USP30: variants seen among roughly 807,000 people sequenced by gnomAD.
The protein encoded by USP30 is ubiquitin specific peptidase 30.
Under a neutral mutation model 68.2 loss-of-function variants are expected in USP30, and 41 were observed. That is an observed-to-expected ratio of 0.60 (90% CI 0.47 to 0.78). The LOEUF (loss-of-function observed/expected upper bound fraction) is 0.78, where lower values mean the gene tolerates loss of function less well. USP30 is among the 30% of genes least tolerant of loss of function. The pLI, the probability that USP30 is intolerant of heterozygous loss-of-function variation, is 0.00. For synonymous variants in USP30, 229 were observed against 253.7 expected, an observed-to-expected ratio of 0.90 and a Z score of 0.93; for missense variants, 522 against 649.4, an observed-to-expected ratio of 0.80 and a Z score of 2.13.
intron 7 of USP30, among the ~76,000 whole-genome samples, chr12:109,078,249 C>T (rs1277184391): frequency 6.6e-6 from 1 of 152,036 alleles, no homozygotes; most frequent in African/African-American, 2.4e-5. Flanking sequence ...CATGGTGAAA[C>T]CCCGTCTCTA....
At chr12:109,040,190 G>A (rs1344822908) in intron 3 of USP30, among the ~76,000 whole-genome samples, 1 of 152,008 alleles carries the variant, frequency 6.6e-6, no homozygotes, top group Non-Finnish European at 1.5e-5. Flanking sequence ...AAAAAATTTA[G>A]GGTGCTACCA....
intron 3 of USP30, among the ~76,000 whole-genome samples, chr12:109,035,569 G>A (rs2040512725): frequency 1.3e-5 from 2 of 152,038 alleles, no homozygotes; most frequent in Non-Finnish European, 2.9e-5. Flanking sequence ...TCACCATGTT[G>A]GCCAGGATGG....
At chr12:109,043,677 T>C (rs2135675380) in intron 3 of USP30, among the ~76,000 whole-genome samples, 1 of 152,344 alleles carries the variant, frequency 6.6e-6, no homozygotes, top group East Asian at 1.9e-4. Flanking sequence ...CAGTGATTTC[T>C]TGGATATGAC....
chr12:109,035,094 A>G (rs2040509218), intron 3 of USP30, among the ~76,000 whole-genome samples: 1 of 152,130 alleles, frequency 6.6e-6, no homozygotes, highest in Non-Finnish European at 1.5e-5. Flanking sequence ...TAATTGTAGA[A>G]TATAATACAC....
chr12:109,085,880 C>T lies in USP30; in HGVS notation c.1503C>T (p.Arg501=), dbSNP rs746322385. 101 of 1,614,102 alleles carry T rather than the reference C, an allele frequency of 6.3e-5. No homozygotes were observed. Among genetic ancestry groups the T allele is most frequent in the Admixed American group, 2.2e-4 (13 of 60,002 alleles). Residue 501 remains arginine, a synonymous_variant, in exon 13 of 13, where the codon CGC becomes CGT. Coordinates refer to ENST00000257548, the MANE Select transcript of USP30 (RefSeq NM_032663.5). ...SSSAYLLFYE[R]VLSRMQHQSQ... is the part of the protein sequence containing the mutation. ...GCGCCTACCTGCTGTTCTACGAGCGCGTCCTTTCCAGGATGCAGCACCAGA... is the reference window on the plus strand; with the variant it reads ...GCGCCTACCTGCTGTTCTACGAGCGTGTCCTTTCCAGGATGCAGCACCAGA...
rs2041941819 is a variant in USP30, at chr12:109,086,092, C to G, written c.*161C>G. ...ACCTGGGAGCCAGCCCCAGTTCACA[C>G]CAAACCAGGCTCCCTGAACAGTCCT... On this transcript the variant is annotated 3_prime_UTR_variant, in exon 13 of 13. Transcript: ENST00000257548. 2.9e-6 allele frequency: 3 copies of G among 1,020,148 alleles called. No homozygotes were observed. The South Asian group carries it at 5.1e-5, about 17-fold the overall frequency. The allele number at this position is 1,020,148 out of a possible 1,614,324, so 63.2% of individuals were successfully genotyped here.
intron 3 of USP30, among the ~76,000 whole-genome samples, chr12:109,029,930 T>C (rs2040469229): frequency 6.6e-6 from 1 of 152,176 alleles, no homozygotes; most frequent in Non-Finnish European, 1.5e-5. Context: ...CCCCGAGTTC[T>C]CCAGCCCTCC....
Position 109,085,972 on chromosome 12 carries a change from C to T in USP30, c.*41C>T, listed in dbSNP as rs758007619. The T allele has an allele frequency of 3.8e-6, 6 of 1,591,888 alleles. No individual in the cohort carries two copies. In the South Asian group the frequency reaches 6.7e-5, roughly 18 times the overall value. On this transcript the variant is annotated 3_prime_UTR_variant, in exon 13 of 13. Transcript: ENST00000257548. ...AGGCTAGAGCTGATGGCACTGTCTG[C>T]ACTGTCCAGGAAAAAAGTAAAACTG...
upstream of USP30, chr12:109,052,434 C>G (rs1337666271): frequency 5.2e-6 from 2 of 385,364 alleles, no homozygotes; most frequent in African/African-American, 4.2e-5. Context: ...CTGAGCCCAG[C>G]GTAGCAACCG....
chr12:109,065,172 C>T (rs1215220450), intron 3 of USP30, among the ~76,000 whole-genome samples: 3 of 152,202 alleles, frequency 2.0e-5, no homozygotes, highest in African/African-American at 7.2e-5. Flanking sequence ...CCTACTGTAT[C>T]TTGGGAGTCA....
At chr12:109,072,934 G>A (rs530181821) in intron 6 of USP30, among the ~76,000 whole-genome samples, 1 of 152,266 alleles carries the variant, frequency 6.6e-6, no homozygotes, top group African/African-American at 2.4e-5. Flanking sequence ...GCATTCCCAG[G>A]TCAGGTAGTG....
intron 7 of USP30, 142 bp downstream of exon 7, chr12:109,073,674 C>A: frequency 1.5e-6 from 1 of 681,438 alleles, no homozygotes; most frequent in Non-Finnish European, 2.5e-6. Context: ...ACTGACTACC[C>A]CACTTTGGTC....
In USP30 at chr12:109,059,387, G is replaced by A. The variant is rs546882242; in HGVS notation, c.376+1279G>A. ...TTTTTTGCATTTTTAGTTGAGACAG[G>A]GTCTTACTATGTTGGCCAGGCTAGT... On this transcript the variant is annotated intron_variant, in intron 3 of 12. Coordinates refer to ENST00000257548, the MANE Select transcript of USP30 (RefSeq NM_032663.5). Among the ~76,000 whole-genome samples, 4 of 152,214 alleles carry A rather than the reference G, an allele frequency of 2.6e-5. No homozygotes were observed. In the East Asian group the frequency reaches 7.7e-4, roughly 29 times the overall value.
chr12:109,030,795 T>C (rs1321074869), intron 3 of USP30, among the ~76,000 whole-genome samples: 2 of 152,134 alleles, frequency 1.3e-5, no homozygotes, highest in African/African-American at 4.8e-5. Flanking sequence ...TTTGTATTTT[T>C]AGTAGAGAGA....
chr12:109,039,091 A>C (rs746606649), intron 3 of USP30, among the ~76,000 whole-genome samples: 1 of 152,172 alleles, frequency 6.6e-6, no homozygotes, highest in Admixed American at 6.5e-5. Context: ...GAAAAATTTT[A>C]AAATTTTGAT....
chr12:109,047,284 C>T (rs183992632), intron 3 of USP30, among the ~76,000 whole-genome samples: 1 of 152,216 alleles, frequency 6.6e-6, no homozygotes, highest in Non-Finnish European at 1.5e-5. Context: ...AACCCACAAA[C>T]TTGTCTGGGG....
rs752348838 is a variant in USP30 at position 109,085,703 on chromosome 12, C to T, written c.1326C>T (p.Val442=). 13 of 1,614,086 alleles carry T rather than the reference C, an allele frequency of 8.1e-6. No homozygotes were observed. Among genetic ancestry groups the T allele is most frequent in the Admixed American group, 1.7e-5 (1 of 60,030 alleles). ...ACCTCTTCCGGCTGATGGCAGTTGTCGTCCACCATGGAGACATGCACTCTG... is the reference window on the plus strand; with the variant it reads ...ACCTCTTCCGGCTGATGGCAGTTGTTGTCCACCATGGAGACATGCACTCTG... ...STYLFRLMAV[V]VHHGDMHSGH... The change falls in exon 13 of 13, where the codon GTC becomes GTT. Residue 442 remains valine, a synonymous_variant. Coordinates refer to ENST00000257548, the MANE Select transcript of USP30 (RefSeq NM_032663.5).
intron 7 of USP30, 35 bp downstream of exon 7, chr12:109,073,567 G>C (rs974900407): frequency 2.5e-6 from 4 of 1,579,984 alleles, no homozygotes; most frequent in African/African-American, 2.7e-5. Context: ...ATTTCCGGGA[G>C]AGGTTTTCCA....
Position 109,084,971 on chromosome 12 carries a change from C to A in USP30, c.1187C>A (p.Ala396Asp), listed in dbSNP as rs1483463652. ...CTTGCAGTTCTGAATCAGCCAGGGGCCCCCAAAACACAGATTTTTATGAAT... is the reference window on the plus strand; with the variant it reads ...CTTGCAGTTCTGAATCAGCCAGGGGACCCCAAAACACAGATTTTTATGAAT... ...APTPVLNQPG[A>D]PKTQIFMNGA... is the part of the protein sequence containing the mutation. Residue 396 changes from alanine to aspartate, a missense_variant, in exon 12 of 13, where the codon GCC (alanine) becomes GAC (aspartate). By Grantham distance (126) the Ala-to-Asp change is moderately radical. Transcript: ENST00000257548. 3 of 1,599,582 alleles carry A rather than the reference C, an allele frequency of 1.9e-6. No individual in the cohort carries two copies. The highest frequency in any genetic ancestry group is 1.1e-5 in the South Asian group (1 of 88,964).
Sources: gnomAD v4.1 joint callset for allele counts (sites outside exome capture counted in the v4.1 genomes callset) on GRCh38, gnomAD v4.1.1 for gene constraint, MANE v1.5 for transcripts, NCBI Gene and HGNC (gene_info 2026-07-23, HGNC 2026-07-21) for gene names.